Variants in SNX25 observed in about 807,000 individuals in gnomAD.
SNX25 encodes sorting nexin-25.
Under a neutral mutation model 113.7 loss-of-function variants are expected in SNX25, and 62 were observed. The ratio of observed to expected loss-of-function variants is 0.55; its 90% CI spans 0.44 to 0.67. SNX25 has a LOEUF of 0.67. Ranked by LOEUF, SNX25 falls within the 30% of genes least tolerant of loss-of-function variation. SNX25 has a pLI of 0.00. For synonymous variants in SNX25, 421 were observed against 436.2 expected, an observed-to-expected ratio of 0.97 and a Z score of 0.43; for missense variants, 1,014 against 1,161.0, an observed-to-expected ratio of 0.87 and a Z score of 1.84.
intron 13 of SNX25, among the ~76,000 whole-genome samples, chr4:185,350,592 G>A (rs1195295553): frequency 6.6e-6 from 1 of 152,230 alleles, no homozygotes; most frequent in Non-Finnish European, 1.5e-5. Context: ...GCCAGGCACG[G>A]TGGCTCACGC....
chr4:185,373,783 T>C (rs1384227744), downstream of SNX25, among the ~76,000 whole-genome samples: 2 of 152,228 alleles, frequency 1.3e-5, no homozygotes, highest in Non-Finnish European at 2.9e-5. Flanking sequence ...TATTTGTAAC[T>C]AATTCTTGGT....
intron 16 of SNX25, among the ~76,000 whole-genome samples, chr4:185,357,954 A>T (rs2095346249): frequency 6.6e-6 from 1 of 152,212 alleles, no homozygotes; most frequent in African/African-American, 2.4e-5. Flanking sequence ...GAAAAGCTTG[A>T]GCTACTTCCA....
At chr4:185,291,383 G>A (rs1202454959) in intron 6 of SNX25, among the ~76,000 whole-genome samples, 3 of 152,006 alleles carry the variant, frequency 2.0e-5, no homozygotes, top group African/African-American at 2.4e-5. Flanking sequence ...CCCTCAGCCC[G>A]TGACAACCAC....
chr4:185,297,594 T>C (rs181324412), intron 6 of SNX25, among the ~76,000 whole-genome samples: 19 of 152,346 alleles, frequency 1.2e-4, no homozygotes, highest in Non-Finnish European at 4.4e-5. Context: ...TGCCACAGAC[T>C]GGGTGGCTTA....
chr4:185,251,173 T>G (rs896121904), intron 2 of SNX25, among the ~76,000 whole-genome samples: 2 of 152,148 alleles, frequency 1.3e-5, no homozygotes, highest in Non-Finnish European at 2.9e-5. Context: ...TTTTGTATTT[T>G]TAGTAGAGAC....
chr4:185,234,457 C>T lies in SNX25; in HGVS notation c.430-12837C>T, dbSNP rs1362247741. Among the ~76,000 whole-genome samples the T allele has an allele frequency of 4.7e-4, 9 of 19,112 alleles. 3 individuals are homozygous for T. Among genetic ancestry groups the T allele is most frequent in the Non-Finnish European group, 8.3e-4 (6 of 7,254 alleles). The allele number at this position is 19,112 out of a possible 152,430, so 12.5% of individuals were successfully genotyped here. A position where few individuals can be genotyped will look rare whatever the true frequency, so the allele number is the denominator to read the frequency against. On this transcript the variant is annotated intron_variant, in intron 1 of 18. Coordinates refer to ENST00000652585, the MANE Select transcript of SNX25 (RefSeq NM_001378034.2). The stretch of plus-strand genomic sequence containing the variant: ...CAGCACTTTGGGAGGCCGAGGCGGG[C>T]GGATCACGAGGTCAGGAGATCGAGA...
At chr4:185,290,098 A>G (rs543308962) in intron 6 of SNX25, among the ~76,000 whole-genome samples, 1 of 152,220 alleles carries the variant, frequency 6.6e-6, no homozygotes, top group South Asian at 2.1e-4. Flanking sequence ...TATTCTTACA[A>G]GGATGCCAGT....
Position 185,320,757 on chromosome 4 carries a change from G to T in SNX25, c.1369G>T (p.Ala457Ser). The T allele has an allele frequency of 1.3e-6, 2 of 1,569,454 alleles. No individual in the cohort carries two copies. Residue 457 changes from alanine to serine, a missense_variant, in exon 8 of 19, where the codon GCC becomes TCC. Physicochemically the swap from Ala to Ser is moderately conservative, Grantham distance 99 (BLOSUM62 1). Transcript: ENST00000652585. Reference sequence around the variant, plus strand: ...GATTCTTCAGTTTGAAGATATCTTGGCCAATACGTTCTACCGAGAGCACTT... The same window carrying T: ...GATTCTTCAGTTTGAAGATATCTTGTCCAATACGTTCTACCGAGAGCACTT... ...QKILQFEDIL[A>S]NTFYREHFGM...
At chr4:185,367,964 G>A (rs1441020133), downstream of SNX25, among the ~76,000 whole-genome samples, 1 of 152,128 alleles carries the variant, frequency 6.6e-6, no homozygotes, top group Admixed American at 6.5e-5. Context: ...TGGATCACGA[G>A]GTCAGGAGAT....
intron 4 of SNX25, among the ~76,000 whole-genome samples, chr4:185,265,006 C>T (rs3112860): frequency 0.089 from 5,542 of 62,028 alleles, 227 homozygotes; most frequent in African/African-American, 0.17. Context: ...TTTTTTTTTT[C>T]TTTAAATAGA....
At chr4:185,261,765 T>A (rs1172981467) in intron 3 of SNX25, among the ~76,000 whole-genome samples, 2 of 152,126 alleles carry the variant, frequency 1.3e-5, no homozygotes, top group Admixed American at 1.3e-4. Flanking sequence ...TTTATTTTAC[T>A]GGCATCTGGG....
At chr4:185,304,645 C>T (rs1454697672) in intron 6 of SNX25, among the ~76,000 whole-genome samples, 2 of 152,178 alleles carry the variant, frequency 1.3e-5, no homozygotes, top group African/African-American at 4.8e-5. Context: ...GCGTGAGCCA[C>T]CACACCGGGC....
chr4:185,212,188 G>C (rs1041770213), intron 1 of SNX25, among the ~76,000 whole-genome samples: 1 of 151,968 alleles, frequency 6.6e-6, no homozygotes, highest in Non-Finnish European at 1.5e-5. Context: ...ATGTTGCCTA[G>C]GCTGGTCTTG....
chr4:185,205,088 C>T (rs537003244), upstream of SNX25, among the ~76,000 whole-genome samples: 5 of 152,296 alleles, frequency 3.3e-5, no homozygotes, highest in East Asian at 3.9e-4. Context: ...TGTCTATTTT[C>T]GTCCTTCACA....
At chr4:185,300,011 A>G (rs1753406670) in intron 6 of SNX25, among the ~76,000 whole-genome samples, 1 of 152,182 alleles carries the variant, frequency 6.6e-6, no homozygotes, top group Non-Finnish European at 1.5e-5. Flanking sequence ...TATCTTACCC[A>G]AGTGTAATTA....
chr4:185,333,860 A>G (rs1185397517), intron 10 of SNX25, among the ~76,000 whole-genome samples: 2 of 151,896 alleles, frequency 1.3e-5, no homozygotes, highest in Non-Finnish European at 2.9e-5. Flanking sequence ...CCTGGGCAAC[A>G]TAGGGAGACC....
At chr4:185,339,641 T>C in intron 11 of SNX25, 131 bp downstream of exon 11, 1 of 1,184,240 alleles carries the variant, frequency 8.4e-7, no homozygotes, top group Non-Finnish European at 1.2e-6. Context: ...TTGTCCTACC[T>C]TCCTTCCCCC....
intron 3 of SNX25, 127 bp downstream of exon 3, chr4:185,259,191 T>A: frequency 1.3e-6 from 1 of 779,492 alleles, no homozygotes; most frequent in Non-Finnish European, 2.0e-6. Context: ...AATGTAGATT[T>A]ATTAAGGGGG....
At chr4:185,360,187 A>G (rs2095355438) in intron 16 of SNX25, among the ~76,000 whole-genome samples, 1 of 152,242 alleles carries the variant, frequency 6.6e-6, no homozygotes, top group Non-Finnish European at 1.5e-5. Flanking sequence ...TTAGGAAGCT[A>G]GGCAGGCAGG....
Sources: allele counts gnomAD v4.1 joint callset (sites outside exome capture counted in the v4.1 genomes callset), GRCh38; gene constraint gnomAD v4.1.1; transcripts MANE v1.5; gene names NCBI Gene and HGNC (gene_info 2026-07-23, HGNC 2026-07-21).